The following TLN2 variants were observed in gnomAD, a reference collection of about 807,000 sequenced individuals.
The protein encoded by TLN2 is talin 2, also known as talin-2.
Under a neutral mutation model 294.7 loss-of-function variants are expected in TLN2, and 118 were observed. The observed-to-expected ratio is 0.40, with a 90% CI of 0.34 to 0.47. TLN2 has a LOEUF of 0.47. Ranked by LOEUF, TLN2 falls within the 20% of genes least tolerant of loss-of-function variation. TLN2 has a pLI of 0.84. For missense variants in TLN2, 3,083 were observed against 3,282.2 expected (o/e 0.94, Z 1.48); for synonymous variants, 1,431 against 1,304.5 (o/e 1.10, Z -2.09).
At chr15:62,630,678 TG>T (rs1265011065) in intron 3 of TLN2, among the ~76,000 whole-genome samples, 3 of 152,172 alleles carry the variant, frequency 2.0e-5, no homozygotes, top group African/African-American at 7.2e-5. Context: ...ATGCATGACC[TG>T]GTGATTTGAG....
At chr15:62,539,991 C>T (rs561626776) in intron 1 of TLN2, among the ~76,000 whole-genome samples, 1 of 151,764 alleles carries the variant, frequency 6.6e-6, no homozygotes, top group Admixed American at 6.6e-5. Flanking sequence ...ACTTACACTA[C>T]AATAAATAAA....
At chr15:62,586,482 A>G (rs572624023) in intron 1 of TLN2, among the ~76,000 whole-genome samples, 1 of 152,374 alleles carries the variant, frequency 6.6e-6, no homozygotes, top group South Asian at 2.1e-4. Context: ...GTTTATAATT[A>G]TGCCGTTATG....
chr15:62,667,245 C>A (rs555831373), intron 9 of TLN2, among the ~76,000 whole-genome samples: 1 of 152,170 alleles, frequency 6.6e-6, no homozygotes, highest in Non-Finnish European at 1.5e-5. Context: ...GGATTACAGG[C>A]GTGAGCCACC....
At chr15:62,810,101 T>C in intron 52 of TLN2, 69 bp downstream of exon 52, 1 of 1,322,264 alleles carries the variant, frequency 7.6e-7, no homozygotes, top group Non-Finnish European at 1.1e-6. Context: ...TGATTCAAAC[T>C]ATGCTTTCCT....
intron 2 of TLN2, among the ~76,000 whole-genome samples, chr15:62,597,085 T>A (rs1321018022): frequency 1.3e-5 from 2 of 152,188 alleles, no homozygotes; most frequent in Admixed American, 1.3e-4. Context: ...ATTCTTGCTT[T>A]CAGTCCTGCT....
chr15:62,673,310 C>CTTTTTTTTTTTCTT (rs2055689572), intron 9 of TLN2, among the ~76,000 whole-genome samples: 1 of 42,856 alleles, frequency 2.3e-5, no homozygotes, highest in African/African-American at 7.5e-5. Flanking sequence ...TTAGATGTTG[C>CTTTTTTTTTTTCTT]TTTTTTTTTT....
At chr15:62,415,845 G>T (rs1259112539) in intron 1 of TLN2, among the ~76,000 whole-genome samples, 1 of 152,170 alleles carries the variant, frequency 6.6e-6, no homozygotes, top group Non-Finnish European at 1.5e-5. Flanking sequence ...TCGGAGTTGT[G>T]GGGGGTAGCC....
chr15:62,736,782 C>T lies in TLN2; in HGVS notation c.3359-96C>T. 3 of 1,342,068 alleles carry T rather than the reference C, an allele frequency of 2.2e-6. 1 individual carries two copies. Among genetic ancestry groups the T allele is most frequent in the South Asian group, 2.8e-5 (2 of 72,106 alleles). 83.1% of individuals were successfully genotyped at this position (1,342,068 alleles called of 1,614,324 possible). ...TTATGAAGACTAATCTGCAGCTCCC[C>T]TTCTGTGCCAGGCCCTGGTCCAGAA... On this transcript the variant is annotated intron_variant, in intron 28 of 58. Transcript: ENST00000636159.
intron 41 of TLN2, among the ~76,000 whole-genome samples, chr15:62,770,380 C>T (rs1300119829): frequency 6.6e-6 from 1 of 152,190 alleles, no homozygotes; most frequent in Non-Finnish European, 1.5e-5. Context: ...GAGGCCTGTG[C>T]GGAGGCAGTG....
At chr15:62,410,914 C>G (rs1463227972) in intron 1 of TLN2, among the ~76,000 whole-genome samples, 1 of 152,186 alleles carries the variant, frequency 6.6e-6, no homozygotes, top group Non-Finnish European at 1.5e-5. Flanking sequence ...CATAGTGTAT[C>G]TTGTAAATTC....
chr15:62,548,612 G>A (rs1313974116), intron 1 of TLN2, among the ~76,000 whole-genome samples: 3 of 152,086 alleles, frequency 2.0e-5, no homozygotes, highest in East Asian at 3.8e-4. Flanking sequence ...CATTTATTCC[G>A]CCTAACTAAC....
intron 2 of TLN2, among the ~76,000 whole-genome samples, chr15:62,605,745 T>C (rs368351254): frequency 6.6e-6 from 1 of 152,298 alleles, no homozygotes; most frequent in South Asian, 2.1e-4. Context: ...GCCCATGTCA[T>C]TGGTGTATCT....
At chr15:62,722,276 G>C in intron 25 of TLN2, 77 bp from the exon 26 acceptor site, 1 of 1,473,996 alleles carries the variant, frequency 6.8e-7, no homozygotes, top group Non-Finnish European at 9.1e-7. Context: ...CTGCTGTGGA[G>C]ACCTCGCTGC....
intron 1 of TLN2, among the ~76,000 whole-genome samples, chr15:62,517,808 C>T (rs933438422): frequency 6.6e-6 from 1 of 152,112 alleles, no homozygotes; most frequent in African/African-American, 2.4e-5. Flanking sequence ...GTCTGTTTGT[C>T]TCTTTCTTTT....
intron 45 of TLN2, among the ~76,000 whole-genome samples, chr15:62,785,840 A>T (rs914183722): frequency 2.7e-5 from 4 of 150,342 alleles, no homozygotes; most frequent in African/African-American, 9.8e-5. Flanking sequence ...AAACAAGCAG[A>T]TTTTTTTTTT....
At chr15:62,490,035 A>C (rs1476651109) in intron 1 of TLN2, among the ~76,000 whole-genome samples, 2 of 152,232 alleles carry the variant, frequency 1.3e-5, no homozygotes, top group African/African-American at 4.8e-5. Flanking sequence ...AAGGCATTGC[A>C]TTCGGGGGTA....
intron 1 of TLN2, among the ~76,000 whole-genome samples, chr15:62,546,581 G>GT (rs924985120): frequency 1.3e-5 from 2 of 152,156 alleles, no homozygotes; most frequent in African/African-American, 4.8e-5. Flanking sequence ...CTGAAGGTTT[G>GT]TTTTTTCTAT....
At chr15:62,428,510 G>A (rs1008346935) in intron 1 of TLN2, among the ~76,000 whole-genome samples, 2 of 152,226 alleles carry the variant, frequency 1.3e-5, no homozygotes, top group Non-Finnish European at 2.9e-5. Flanking sequence ...AGCACGTGAA[G>A]CCACGTGCCT....
At position 62,739,551 on chromosome 15, in the gene TLN2, T is replaced by C; in HGVS notation, c.3885+6T>C. ...AGATGGCTGGCCAAGCTCAGGTGGG[T>C]GTGGAGGTGGTTGTCTGGAGTTGAC... is the stretch of plus-strand genomic sequence containing the variant. On this transcript the variant is annotated splice_donor_region_variant and intron_variant, in intron 31 of 58. Transcript: ENST00000636159. 6.2e-7 allele frequency: 1 copy of C among 1,613,974 alleles called. No homozygotes were observed. Among genetic ancestry groups the C allele is most frequent in the Non-Finnish European group, 8.5e-7 (1 of 1,179,964 alleles).
Sources: gnomAD v4.1 joint callset for allele counts (sites outside exome capture counted in the v4.1 genomes callset) on GRCh38, gnomAD v4.1.1 for gene constraint, MANE v1.5 for transcripts, NCBI Gene and HGNC (gene_info 2026-07-23, HGNC 2026-07-21) for gene names.